The following DNAAF4 variants were observed in gnomAD, a reference collection of about 807,000 sequenced individuals.
DNAAF4 encodes the protein dynein axonemal assembly factor 4.
A neutral mutation model predicts 51.8 loss-of-function variants in DNAAF4; 43 were observed. That is an observed-to-expected ratio of 0.83 (90% CI 0.65 to 1.07). The LOEUF is 1.07. Ranked by LOEUF, DNAAF4 falls within the 50% of genes least tolerant of loss-of-function variation. The pLI is 0.00. For synonymous variants in DNAAF4, 194 were observed against 165.6 expected (o/e 1.17, Z -1.32); for missense variants, 581 against 493.0 (o/e 1.18, Z -1.69).
At chr15:55,419,296 T>A (rs1390751878) in intron 7 of DNAAF4, among the ~76,000 whole-genome samples, 1 of 152,004 alleles carries the variant, frequency 6.6e-6, no homozygotes, top group Non-Finnish European at 1.5e-5. Context: ...ATGATCATGG[T>A]TCACTGCAAC....
intron 1 of DNAAF4, among the ~76,000 whole-genome samples, chr15:55,506,255 C>T (rs746555887): frequency 6.6e-6 from 1 of 152,082 alleles, no homozygotes; most frequent in African/African-American, 2.4e-5. Flanking sequence ...ATAAAATGGG[C>T]AAATTGGCAT....
chr15:55,436,154 C>A (rs902929324), intron 7 of DNAAF4, among the ~76,000 whole-genome samples: 5 of 152,154 alleles, frequency 3.3e-5, no homozygotes, highest in African/African-American at 9.6e-5. Flanking sequence ...AACACCTCTA[C>A]CAACAGTGCA....
chr15:55,482,142 T>A (rs2058420014), intron 4 of DNAAF4, among the ~76,000 whole-genome samples: 1 of 152,238 alleles, frequency 6.6e-6, no homozygotes, highest in Non-Finnish European at 1.5e-5. Context: ...TTGTGCATTT[T>A]GTTCAATTCT....
At chr15:55,465,735 T>C (rs2058162233) in intron 5 of DNAAF4, among the ~76,000 whole-genome samples, 1 of 151,948 alleles carries the variant, frequency 6.6e-6, no homozygotes, top group South Asian at 2.1e-4. Context: ...CCTGGTTAAT[T>C]TTGTAATTTT....
downstream of DNAAF4, among the ~76,000 whole-genome samples, chr15:55,426,927 T>C (rs777812414): frequency 1.7e-4 from 26 of 152,344 alleles, 1 homozygote; most frequent in African/African-American, 6.0e-4. Context: ...TAAATACCAA[T>C]TGTTTTTGTA....
At chr15:55,465,563 A>ATT (rs2058158804) in intron 5 of DNAAF4, among the ~76,000 whole-genome samples, 5 of 142,532 alleles carry the variant, frequency 3.5e-5, no homozygotes, top group Middle Eastern at 3.6e-3. Flanking sequence ...ATATGTTCTC[A>ATT]CTTTTTTTTT....
chr15:55,490,767 C>T (rs1015185207), intron 4 of DNAAF4, among the ~76,000 whole-genome samples: 1 of 152,172 alleles, frequency 6.6e-6, no homozygotes, highest in Non-Finnish European at 1.5e-5. Context: ...TCCCGGCTAA[C>T]ACGGTGAAAC....
intron 5 of DNAAF4, among the ~76,000 whole-genome samples, chr15:55,454,398 GAC>G (rs1015703228): frequency 5.9e-5 from 9 of 151,854 alleles, no homozygotes; most frequent in African/African-American, 2.2e-4. Flanking sequence ...TTGTTTTTGA[GAC>G]AGAGTCTCAC....
At chr15:55,497,256 T>C (rs2058652738) in intron 3 of DNAAF4, among the ~76,000 whole-genome samples, 1 of 152,128 alleles carries the variant, frequency 6.6e-6, no homozygotes, top group Non-Finnish European at 1.5e-5. Flanking sequence ...CCTTCTGTTG[T>C]TAGTTTATTT....
At chr15:55,468,425 T>C (rs752679711) in intron 4 of DNAAF4, among the ~76,000 whole-genome samples, 3 of 152,206 alleles carry the variant, frequency 2.0e-5, no homozygotes, top group Non-Finnish European at 4.4e-5. Context: ...GCACAAAATA[T>C]GCTAATTATT....
At chr15:55,442,807 C>G in intron 6 of DNAAF4, 1 of 1,612,314 alleles carries the variant, frequency 6.2e-7, no homozygotes, top group Non-Finnish European at 8.5e-7. Flanking sequence ...TCTTTTACAA[C>G]TGATGTTGAG....
intron 6 of DNAAF4, among the ~76,000 whole-genome samples, chr15:55,446,032 G>T (rs193087772): frequency 7.1e-6 from 1 of 140,182 alleles, no homozygotes; most frequent in South Asian, 2.3e-4. Flanking sequence ...CCTCCCAGAC[G>T]GGGTGGCCGG....
chr15:55,454,950 A>C (rs995588162), intron 5 of DNAAF4, among the ~76,000 whole-genome samples: 4 of 151,780 alleles, frequency 2.6e-5, no homozygotes, highest in Non-Finnish European at 5.9e-5. Context: ...CAAAAAAAAG[A>C]ACAATATTAG....
chr15:55,473,235 A>G (rs796495665), intron 4 of DNAAF4, among the ~76,000 whole-genome samples: 2,318 of 129,330 alleles, frequency 0.018, 179 homozygotes, highest in East Asian at 0.054. Flanking sequence ...GTGTGTGTAT[A>G]TATATATATG....
At chr15:55,417,883 C>G in exon 8 of DNAAF4, 2 of 391,850 alleles carry the variant, frequency 5.1e-6, no homozygotes, top group South Asian at 1.2e-4. Context: ...AAATTACAGT[C>G]AAAGGGGGTT....
chr15:55,491,006 A>G (rs1385500758), intron 4 of DNAAF4, 117 bp downstream of exon 4: 23 of 1,201,224 alleles, frequency 1.9e-5, no homozygotes, highest in Non-Finnish European at 2.2e-5. Context: ...TAACATAGTA[A>G]GTCCTCTAAA....
chr15:55,483,166 G>A (rs956739677), intron 4 of DNAAF4, among the ~76,000 whole-genome samples: 1 of 151,840 alleles, frequency 6.6e-6, no homozygotes, highest in Non-Finnish European at 1.5e-5. Context: ...GCTCAATCTC[G>A]GCTCAATGCA....
At position 55,488,004 on chromosome 15, in the gene DNAAF4, CCT is replaced by C. The variant is rs543702915; in HGVS notation, c.405+3117_405+3118del. On this transcript the variant is annotated intron_variant, in intron 4 of 9. Transcript: ENST00000321149. ...AAAGCACTTCTGCAATGAGGTTTTCCCTCTCTTTCTACCAGGAACCTAATTGT... is the reference window on the plus strand; with the variant it reads ...AAAGCACTTCTGCAATGAGGTTTTCCCTCTTTCTACCAGGAACCTAATTGT... Among the ~76,000 whole-genome samples the C allele has an allele frequency of 2.7e-3, 411 of 152,250 alleles. 3 individuals carry two copies. Among genetic ancestry groups the C allele is most frequent in the African/African-American group, 9.5e-3 (393 of 41,552 alleles).
chr15:55,452,380 G>T (rs1419147805), intron 5 of DNAAF4, among the ~76,000 whole-genome samples: 3 of 150,884 alleles, frequency 2.0e-5, no homozygotes, highest in Non-Finnish European at 4.4e-5. Flanking sequence ...GAACATGCAG[G>T]AAATCATCAC....
Sources: gnomAD v4.1 joint callset for allele counts (sites outside exome capture counted in the v4.1 genomes callset) on GRCh38, gnomAD v4.1.1 for gene constraint, MANE v1.5 for transcripts, NCBI Gene and HGNC (gene_info 2026-07-23, HGNC 2026-07-21) for gene names.